The following DISC1 variants were observed in gnomAD, a reference collection of about 807,000 sequenced individuals.
The protein encoded by DISC1 is DISC1 scaffold protein.
Under a neutral mutation model 84.5 loss-of-function variants are expected in DISC1, and 57 were observed. The ratio of observed to expected loss-of-function variants is 0.67; its 90% CI spans 0.55 to 0.84. The LOEUF is 0.84. Among genes scored for constraint, DISC1 ranks in the 40% least tolerant of loss-of-function variants. The pLI, the probability that DISC1 is intolerant of heterozygous loss-of-function variation, is 0.00. For missense variants in DISC1, 1,000 were observed against 1,057.8 expected (o/e 0.95, Z 0.76); for synonymous variants, 411 against 415.2 (o/e 0.99, Z 0.12).
At chr1:231,797,543 G>A (rs1452117403) in intron 7 of DISC1, among the ~76,000 whole-genome samples, 1 of 152,126 alleles carries the variant, frequency 6.6e-6, no homozygotes, top group African/African-American at 2.4e-5. Context: ...GGAAGAAAGA[G>A]GGCAAGGCGG....
At chr1:231,784,217 C>T (rs554748491) in intron 6 of DISC1, among the ~76,000 whole-genome samples, 41 of 150,840 alleles carry the variant, frequency 2.7e-4, no homozygotes, top group African/African-American at 9.0e-4. Flanking sequence ...AAACCGAGAT[C>T]GCACCATTGC....
rs1304208420 is a variant in DISC1 at position 231,732,483 on chromosome 1, G to A, written c.1118-17443G>A. 2.6e-5 allele frequency among the ~76,000 whole-genome samples: 4 copies of A among 152,148 alleles called. No homozygotes were observed. In the East Asian group the frequency reaches 7.7e-4, roughly 29 times the overall value. The stretch of plus-strand genomic sequence containing the variant: ...GAAATTAAAAAATTATTTAAACAAT[G>A]CATAATCATTGTAAAAATATGTAGG... On this transcript the variant is annotated intron_variant, in intron 3 of 12. Coordinates refer to ENST00000439617, the MANE Select transcript of DISC1 (RefSeq NM_018662.3).
chr1:231,848,046 TG>T (rs2083590450), intron 9 of DISC1, among the ~76,000 whole-genome samples: 2 of 152,334 alleles, frequency 1.3e-5, no homozygotes, highest in Admixed American at 1.3e-4. Context: ...GGAGGCAGTT[TG>T]CCTGAGGTCC....
chr1:231,885,219 TC>T (rs1369275872), intron 9 of DISC1, among the ~76,000 whole-genome samples: 2 of 152,318 alleles, frequency 1.3e-5, no homozygotes, highest in South Asian at 2.1e-4. Flanking sequence ...GTGGGATCTC[TC>T]ATGCAAAACT....
chr1:231,862,774 C>T (rs531531528), intron 9 of DISC1, among the ~76,000 whole-genome samples: 1 of 152,308 alleles, frequency 6.6e-6, no homozygotes, highest in South Asian at 2.1e-4. Flanking sequence ...ATCATGTGAT[C>T]ATTTCAAAAT....
At chr1:231,627,594 A>T (rs1305862573) in intron 1 of DISC1, among the ~76,000 whole-genome samples, 1 of 152,244 alleles carries the variant, frequency 6.6e-6, no homozygotes, top group African/African-American at 2.4e-5. Context: ...GTCAACTCTT[A>T]GTGATGATTG....
At chr1:231,680,092 G>A (rs1405151307) in intron 1 of DISC1, among the ~76,000 whole-genome samples, 1 of 152,202 alleles carries the variant, frequency 6.6e-6, no homozygotes, top group African/African-American at 2.4e-5. Flanking sequence ...GCCGGGCATG[G>A]TGGTGCATGC....
chr1:232,005,244 A>T (rs821601), intron 10 of DISC1, among the ~76,000 whole-genome samples: 1 of 151,752 alleles, frequency 6.6e-6, no homozygotes, highest in Non-Finnish European at 1.5e-5. Context: ...TCTTGTACAC[A>T]AGAAGTCCCA....
chr1:231,912,781 CTTTCTTTCTTTCTT>C (rs1049571963), intron 9 of DISC1, among the ~76,000 whole-genome samples: 7 of 145,544 alleles, frequency 4.8e-5, no homozygotes, highest in Non-Finnish European at 1.1e-4. Flanking sequence ...TTCTTTCTTT[CTTTCTTTCTTTCTT>C]TCTTTCTTTC....
intron 9 of DISC1, among the ~76,000 whole-genome samples, chr1:231,832,008 A>T (rs189536246): frequency 0.3 from 44,094 of 145,870 alleles, 6,914 homozygotes; most frequent in Admixed American, 0.36. Context: ...AATATGGGGA[A>T]ATGGGGTGAA....
chr1:231,706,474 A>G (rs2067115778), intron 3 of DISC1, among the ~76,000 whole-genome samples: 1 of 152,204 alleles, frequency 6.6e-6, no homozygotes. Context: ...TCCCATGTCC[A>G]CCAGTGACCA....
intron 1 of DISC1, among the ~76,000 whole-genome samples, chr1:231,645,900 C>CT (rs751578318): frequency 0.01 from 1,365 of 134,806 alleles, 15 homozygotes; most frequent in African/African-American, 0.029. Flanking sequence ...ATTTTCTTTT[C>CT]TTTTTTTTTT....
chr1:231,644,098 G>A (rs1405743185), intron 1 of DISC1, among the ~76,000 whole-genome samples: 1 of 152,218 alleles, frequency 6.6e-6, no homozygotes, highest in South Asian at 2.1e-4. Flanking sequence ...CACATGGCAT[G>A]CTTTATCTGG....
intron 4 of DISC1, among the ~76,000 whole-genome samples, chr1:231,754,934 C>G (rs1470440750): frequency 6.6e-6 from 1 of 152,122 alleles, no homozygotes; most frequent in Non-Finnish European, 1.5e-5. Context: ...AGTGAATGTT[C>G]CATTCACTTT....
rs540628254 is a variant in DISC1 at position 231,823,184 on chromosome 1, C to CAT, written c.1981+4673_1981+4674dup. ...GAAATCCTGTGAGTTACAAGTTCTG[C>CAT]ATATATAGGCAGTAATTCTTTTTTC... On this transcript the variant is annotated intron_variant, in intron 9 of 12. Coordinates refer to ENST00000439617, the MANE Select transcript of DISC1 (RefSeq NM_018662.3). 2.2e-4 allele frequency among the ~76,000 whole-genome samples: 34 copies of CAT among 152,112 alleles called. No homozygotes were observed. The East Asian group carries it at 6.2e-3, about 28-fold the overall frequency.
At chr1:231,910,502 T>C (rs1335843354) in intron 9 of DISC1, among the ~76,000 whole-genome samples, 1 of 152,260 alleles carries the variant, frequency 6.6e-6, no homozygotes, top group Admixed American at 6.5e-5. Context: ...AGTTTCTTAA[T>C]CCTGAGCTCT....
At chr1:231,690,045 T>C (rs2064801655) in intron 1 of DISC1, among the ~76,000 whole-genome samples, 1 of 152,196 alleles carries the variant, frequency 6.6e-6, no homozygotes, top group African/African-American at 2.4e-5. Flanking sequence ...CTGGTTAATA[T>C]TGGCTTGCCG....
chr1:231,791,038 A>G (rs1453256860), intron 6 of DISC1, among the ~76,000 whole-genome samples: 1 of 152,154 alleles, frequency 6.6e-6, no homozygotes, highest in East Asian at 1.9e-4. Flanking sequence ...GCCACCCCCC[A>G]GGCTCATCTG....
At position 232,036,862 on chromosome 1, in the gene DISC1, C is replaced by A. The variant is rs1161301250; in HGVS notation, c.*31C>A. ...GACGGGATGGGGGAGGGAGGTGGGC[C>A]ACCATGTTTGGACCCGGGGGGCTGC... On this transcript the variant is annotated 3_prime_UTR_variant, in exon 13 of 13. Transcript: ENST00000439617. The A allele has an allele frequency of 6.6e-7, 1 of 1,505,022 alleles. No homozygotes were observed. The highest frequency in any genetic ancestry group is 9.0e-7 in the Non-Finnish European group (1 of 1,111,956). 93.2% of individuals were successfully genotyped at this position (1,505,022 alleles called of 1,614,324 possible).
Sources: allele counts gnomAD v4.1 joint callset (sites outside exome capture counted in the v4.1 genomes callset), GRCh38; gene constraint gnomAD v4.1.1; transcripts MANE v1.5; gene names NCBI Gene and HGNC (gene_info 2026-07-23, HGNC 2026-07-21).